MAGI1: variants seen among roughly 807,000 people sequenced by gnomAD.
The protein encoded by MAGI1 is membrane-associated guanylate kinase, WW and PDZ domain-containing protein 1.
MAGI1 carries 58 observed loss-of-function variants against 139.9 expected under a neutral mutation model. The ratio of observed to expected loss-of-function variants is 0.41; its 90% confidence interval spans 0.34 to 0.52. MAGI1 has a LOEUF of 0.52. Ranked by LOEUF, MAGI1 falls within the 20% of genes least tolerant of loss-of-function variation. The probability of loss-of-function intolerance (pLI) is 0.12; values close to 1 mark genes in which losing one functional copy is unlikely to be tolerated. For synonymous variants in MAGI1, 812 were observed against 737.9 expected (o/e 1.10, Z -1.63); for missense variants, 1,874 against 1,901.6 (o/e 0.99, Z 0.27).
At chr3:65,522,115 A>G (rs1304657078) in intron 2 of MAGI1, among the ~76,000 whole-genome samples, 3 of 152,154 alleles carry the variant, frequency 2.0e-5, no homozygotes, top group Non-Finnish European at 4.4e-5. Flanking sequence ...CTGCCACAAC[A>G]TGGCCTAAAA....
chr3:65,360,533 G>C, intron 22 of MAGI1: 1 of 984,684 alleles, frequency 1.0e-6, no homozygotes, highest in South Asian at 4.7e-5. Context: ...TCATAGGAAA[G>C]GTATAGTCAC....
intron 14 of MAGI1, 115 bp from the exon 15 acceptor site, chr3:65,383,738 T>A: frequency 1.4e-6 from 1 of 724,184 alleles, no homozygotes; most frequent in South Asian, 1.5e-5. Context: ...ATGGAAGATT[T>A]TCAATATAGG....
intron 1 of MAGI1, among the ~76,000 whole-genome samples, chr3:66,024,051 A>C (rs1235186626): frequency 2.0e-5 from 3 of 152,136 alleles, no homozygotes; most frequent in Non-Finnish European, 4.4e-5. Flanking sequence ...AAAATGTACT[A>C]TTCATTTCAA....
At chr3:65,991,273 G>T (rs2066155009) in intron 1 of MAGI1, among the ~76,000 whole-genome samples, 2 of 129,678 alleles carry the variant, frequency 1.5e-5, no homozygotes, top group South Asian at 5.2e-4. Flanking sequence ...GGGCGACAGA[G>T]CGAGAGACTC....
At chr3:65,529,441 A>T (rs1289260486) in intron 2 of MAGI1, among the ~76,000 whole-genome samples, 1 of 152,214 alleles carries the variant, frequency 6.6e-6, no homozygotes, top group Non-Finnish European at 1.5e-5. Context: ...AAATGGAATG[A>T]TACAATATGT....
chr3:65,489,203 C>T (rs1951826121), intron 3 of MAGI1, among the ~76,000 whole-genome samples: 1 of 152,118 alleles, frequency 6.6e-6, no homozygotes, highest in South Asian at 2.1e-4. Flanking sequence ...ATATAATGCA[C>T]TTTGAAGAGC....
At chr3:65,654,144 G>T (rs13324093) in intron 1 of MAGI1, among the ~76,000 whole-genome samples, 9,561 of 152,152 alleles carry the variant, frequency 0.063, 1,006 homozygotes, top group African/African-American at 0.22. Context: ...TATGGACCTA[G>T]ATATAGAATA....
chr3:65,740,803 G>A (rs903796574), intron 1 of MAGI1, among the ~76,000 whole-genome samples: 7 of 152,130 alleles, frequency 4.6e-5, no homozygotes, highest in Admixed American at 1.3e-4. Context: ...GGCACATAGT[G>A]CTAAGTAAAT....
At chr3:65,564,222 T>C (rs964553722) in intron 2 of MAGI1, among the ~76,000 whole-genome samples, 3 of 151,920 alleles carry the variant, frequency 2.0e-5, no homozygotes, top group African/African-American at 7.3e-5. Context: ...TCCCCTGCCT[T>C]AGACAAGGCT....
chr3:65,740,172 C>T (rs2035136340), intron 1 of MAGI1, among the ~76,000 whole-genome samples: 1 of 152,292 alleles, frequency 6.6e-6, no homozygotes, highest in Middle Eastern at 3.4e-3. Context: ...AACCCATATT[C>T]ATTTTTCTGC....
chr3:65,358,181 T>C (rs1940403463), intron 22 of MAGI1, among the ~76,000 whole-genome samples: 1 of 152,184 alleles, frequency 6.6e-6, no homozygotes, highest in Admixed American at 6.5e-5. Context: ...ATATTTGAAA[T>C]GACAGTGCAA....
intron 1 of MAGI1, among the ~76,000 whole-genome samples, chr3:65,764,346 C>T (rs2037298818): frequency 6.6e-6 from 1 of 152,092 alleles, no homozygotes; most frequent in Non-Finnish European, 1.5e-5. Context: ...ATTCTCTATG[C>T]TTCTCCCACT....
intron 1 of MAGI1, among the ~76,000 whole-genome samples, chr3:65,915,348 C>G (rs1371812452): frequency 6.6e-6 from 1 of 152,208 alleles, no homozygotes; most frequent in African/African-American, 2.4e-5. Flanking sequence ...GGGATGCTAA[C>G]ACATCGCTCC....
intron 1 of MAGI1, among the ~76,000 whole-genome samples, chr3:65,659,104 G>C (rs1419744094): frequency 6.6e-6 from 1 of 152,014 alleles, no homozygotes; most frequent in African/African-American, 2.4e-5. Context: ...ATTTCACCAA[G>C]GTCACCCAGA....
intron 1 of MAGI1, among the ~76,000 whole-genome samples, chr3:65,632,631 G>A (rs2084377718): frequency 1.3e-5 from 2 of 152,176 alleles, no homozygotes; most frequent in Non-Finnish European, 2.9e-5. Context: ...AAAAAGCTAA[G>A]ATAACTATTT....
chr3:65,943,285 T>C (rs1261427846), intron 1 of MAGI1, among the ~76,000 whole-genome samples: 1 of 151,926 alleles, frequency 6.6e-6, no homozygotes, highest in Non-Finnish European at 1.5e-5. Context: ...AAAAAGAAAA[T>C]CATCTCAGGG....
At chr3:65,373,158 T>C (rs139646385) in intron 18 of MAGI1, among the ~76,000 whole-genome samples, 7 of 152,204 alleles carry the variant, frequency 4.6e-5, no homozygotes, top group Non-Finnish European at 1.0e-4. Context: ...TAGCTTTTGA[T>C]TTAAAGTGAG....
rs1170483945 is a variant in MAGI1 at position 66,032,932 on chromosome 3, A to AAAC, written c.313+5061_313+5063dup. ...TCCATCTCAAAAAAAAAAAAAAAAA[A>AAAC]AACAACAACAACAACAACAGAAGAT... is the stretch of plus-strand genomic sequence containing the variant. On this transcript the variant is annotated intron_variant, in intron 1 of 22. Coordinates refer to ENST00000402939, the MANE Select transcript of MAGI1 (RefSeq NM_001033057.2). Among the ~76,000 whole-genome samples, 624 of 143,534 alleles carry AAAC rather than the reference A, an allele frequency of 4.3e-3. 4 individuals are homozygous for AAAC. The highest frequency in any genetic ancestry group is 6.5e-3 in the African/African-American group (241 of 37,192). 94.2% of individuals were successfully genotyped at this position (143,534 alleles called of 152,430 possible).
chr3:65,769,444 G>A (rs1360007577), intron 1 of MAGI1, among the ~76,000 whole-genome samples: 6 of 151,968 alleles, frequency 3.9e-5, no homozygotes, highest in African/African-American at 9.7e-5. Context: ...AGCTATGATC[G>A]CACCACTGCA....
Sources: allele counts gnomAD v4.1 joint callset (sites outside exome capture counted in the v4.1 genomes callset), GRCh38; gene constraint gnomAD v4.1.1; transcripts MANE v1.5; gene names NCBI Gene and HGNC (gene_info 2026-07-23, HGNC 2026-07-21).